DPRX: variants seen among roughly 807,000 people sequenced by gnomAD.
The protein encoded by DPRX is divergent paired-related homeobox.
A neutral mutation model predicts 8.4 loss-of-function variants in DPRX; 11 were observed. The observed-to-expected ratio is 1.31, with a 90% CI of 0.82 to 2.17. DPRX has a LOEUF of 2.17. Among genes scored for constraint, DPRX ranks in the 30% most tolerant of loss-of-function variants. The pLI is 0.00. For missense variants in DPRX, 211 were observed against 236.7 expected (o/e 0.89, Z 0.71); for synonymous variants, 72 against 87.0 (o/e 0.83, Z 0.96).
At chr19:53,602,659 C>T in the DPRX span, among the ~76,000 whole-genome samples, 1,009 of 151,876 alleles carry the variant, frequency 6.6e-3, 16 homozygotes, top group African/African-American at 0.023. Flanking sequence ...TCAGTCTCCC[C>T]GAGTAGCTGG....
chr19:53,602,267 GGTGTGTGT>G, the DPRX span: 6,331 of 276,940 alleles, frequency 0.023, 65 homozygotes, highest in African/African-American at 0.044. Context: ...TATGGGTATG[GGTGTGTGT>G]GTGTGTGTGT....
In DPRX at chr19:53,632,500, G is replaced by C. The variant is rs183502732; in HGVS notation, c.28+366G>C. On this transcript the variant is annotated intron_variant, in intron 1 of 2. Coordinates refer to ENST00000376650, the Ensembl canonical transcript of DPRX. Reference sequence around the variant, plus strand: ...TTTTTTTGTATTTTTAGTAGAGCCGGGGGTTTCACCATATTGACCAGGCTG... The same window carrying C: ...TTTTTTTGTATTTTTAGTAGAGCCGCGGGTTTCACCATATTGACCAGGCTG... Among the ~76,000 whole-genome samples the C allele has an allele frequency of 5.5e-3, 840 of 152,008 alleles. 12 individuals are homozygous for C. The highest frequency in any genetic ancestry group is 0.018 in the African/African-American group (754 of 41,468).
chr19:53,603,804 C>T, the DPRX span, among the ~76,000 whole-genome samples: 1,167 of 146,828 alleles, frequency 7.9e-3, 13 homozygotes, highest in African/African-American at 0.027. Context: ...ATTGCAGTGG[C>T]ACAATCTCAG....
the DPRX span, among the ~76,000 whole-genome samples, chr19:53,613,151 C>G: frequency 1.3e-5 from 2 of 152,042 alleles, no homozygotes; most frequent in African/African-American, 4.8e-5. Flanking sequence ...AAGAAACTTC[C>G]GCTTCTGAAG....
chr19:53,626,682 G>T, the DPRX span, among the ~76,000 whole-genome samples: 1 of 152,138 alleles, frequency 6.6e-6, no homozygotes, highest in Non-Finnish European at 1.5e-5. Flanking sequence ...TGTTAGTCAA[G>T]GCGTGAGGTT....
chr19:53,609,677 C>T, the DPRX span, among the ~76,000 whole-genome samples: 1 of 151,822 alleles, frequency 6.6e-6, no homozygotes, highest in Non-Finnish European at 1.5e-5. Flanking sequence ...ACCAGCCTGA[C>T]CAACATGGCA....
the DPRX span, among the ~76,000 whole-genome samples, chr19:53,618,152 A>AAAAAG: frequency 6.8e-6 from 1 of 146,336 alleles, no homozygotes; most frequent in African/African-American, 2.6e-5. Context: ...CAAAAAAAAA[A>AAAAAG]AAAGAAAGAA....
the DPRX span, chr19:53,617,376 T>TTA: frequency 2.2e-6 from 1 of 453,200 alleles, no homozygotes; most frequent in East Asian, 4.6e-5. Context: ...CTGGGCAACA[T>TTA]GGTAAAACCC....
At chr19:53,616,979 T>G in the DPRX span, 1 of 1,181,646 alleles carries the variant, frequency 8.5e-7, no homozygotes, top group Non-Finnish European at 1.3e-6. Context: ...CCGCCAGGTG[T>G]TGGCTCTATG....
chr19:53,615,317 G>A, the DPRX span, among the ~76,000 whole-genome samples: 265 of 150,940 alleles, frequency 1.8e-3, 1 homozygote, highest in Admixed American at 2.0e-3. Context: ...GTCTCACTCT[G>A]TCACTCAGGC....
the DPRX span, among the ~76,000 whole-genome samples, chr19:53,623,774 A>G: frequency 6.6e-6 from 1 of 152,000 alleles, no homozygotes; most frequent in Non-Finnish European, 1.5e-5. Flanking sequence ...AACATGGTGA[A>G]ACCCCGTCTC....
chr19:53,606,636 G>A, the DPRX span: 2 of 152,802 alleles, frequency 1.3e-5, no homozygotes, highest in East Asian at 1.9e-4. This position sits in a 1 kb window ranked among gnomAD's most constrained non-coding sequence, Gnocchi z 4.8. Context: ...GGGATGGAGC[G>A]GTGAGGGTGG....
the DPRX span, chr19:53,602,048 G>A: frequency 8.9e-3 from 4,052 of 456,614 alleles, 150 homozygotes; most frequent in African/African-American, 0.073. Context: ...CGGTGAAAGT[G>A]AATCCCACAA....
chr19:53,604,294 G>A, the DPRX span: 2 of 152,780 alleles, frequency 1.3e-5, no homozygotes, highest in Non-Finnish European at 2.9e-5. Flanking sequence ...AGGGGCTGTT[G>A]TACTCCTCCC....
At chr19:53,619,683 A>C in the DPRX span, among the ~76,000 whole-genome samples, 7 of 150,248 alleles carry the variant, frequency 4.7e-5, no homozygotes, top group South Asian at 2.1e-4. Flanking sequence ...CTCAAAAAAA[A>C]AAAAAACAAA....
intron 1 of DPRX, among the ~76,000 whole-genome samples, chr19:53,633,176 C>G (rs2091099634): frequency 6.6e-6 from 1 of 152,074 alleles, no homozygotes; most frequent in Non-Finnish European, 1.5e-5. Context: ...TTGTGTAGTT[C>G]CAGCTACTCG....
the DPRX span, among the ~76,000 whole-genome samples, chr19:53,605,069 T>G: frequency 1.3e-5 from 2 of 151,988 alleles, no homozygotes; most frequent in African/African-American, 4.8e-5. Flanking sequence ...ATCTCAGCAC[T>G]TAGGGAGGCC....
the DPRX span, among the ~76,000 whole-genome samples, chr19:53,614,412 T>C: frequency 0.086 from 13,074 of 152,146 alleles, 798 homozygotes; most frequent in South Asian, 0.13. Context: ...AGAAGACCCT[T>C]AATAGGCGGA....
chr19:53,633,866 A>G (rs1012532299), intron 1 of DPRX, among the ~76,000 whole-genome samples: 3 of 151,024 alleles, frequency 2.0e-5, no homozygotes, highest in African/African-American at 7.3e-5. Context: ...CTGGTCTCAA[A>G]CTCATGACCT....
Sources: gnomAD v4.1 joint callset for allele counts (sites outside exome capture counted in the v4.1 genomes callset) on GRCh38, gnomAD v4.1.1 for gene constraint, Gnocchi (gnomAD v3.1) non-coding constraint, MANE v1.5 for transcripts, NCBI Gene and HGNC (gene_info 2026-07-23, HGNC 2026-07-21) for gene names.